The following OXSR1 variants were observed in gnomAD, a reference collection of about 807,000 sequenced individuals.
OXSR1 encodes the protein serine/threonine-protein kinase OSR1.
A neutral mutation model predicts 79.8 loss-of-function variants in OXSR1; 24 were observed. That is an observed-to-expected ratio of 0.30 (90% CI 0.22 to 0.42). The LOEUF is 0.42. Among genes scored for constraint, OXSR1 ranks in the 10% least tolerant of loss-of-function variants. The pLI, the probability that OXSR1 is intolerant of heterozygous loss-of-function variation, is 1.00. For synonymous variants in OXSR1, 226 were observed against 209.2 expected (o/e 1.08, Z -0.69); for missense variants, 430 against 618.4 (o/e 0.70, Z 3.23).
chr3:38,220,978 G>C (rs942057043), intron 5 of OXSR1, among the ~76,000 whole-genome samples: 1 of 152,156 alleles, frequency 6.6e-6, no homozygotes, highest in African/African-American at 2.4e-5. Flanking sequence ...GGTGAACTAA[G>C]TTTACCAATG....
chr3:38,219,798 G>GATGATT (rs386396384), intron 5 of OXSR1, among the ~76,000 whole-genome samples: 1 of 151,726 alleles, frequency 6.6e-6, no homozygotes, highest in Non-Finnish European at 1.5e-5. Context: ...TGATGATGAT[G>GATGATT]ATGATGATGA....
intron 12 of OXSR1, among the ~76,000 whole-genome samples, chr3:38,243,607 T>G (rs1463773298): frequency 1.3e-5 from 2 of 152,218 alleles, no homozygotes; most frequent in African/African-American, 4.8e-5. Flanking sequence ...GTATTTGGTT[T>G]TAACACATCT....
chr3:38,196,412 G>A (rs11917556), intron 3 of OXSR1, among the ~76,000 whole-genome samples: 4,690 of 152,184 alleles, frequency 0.031, 85 homozygotes, highest in Middle Eastern at 0.13. Context: ...GAGCTTACAG[G>A]ACCAGTATCT....
At chr3:38,236,641 G>A in intron 10 of OXSR1, 198 bp from the exon 11 acceptor site, 1 of 380,942 alleles carries the variant, frequency 2.6e-6, no homozygotes, top group Admixed American at 4.4e-5. Context: ...TACAGCGGTT[G>A]TTACTAAAGA....
At chr3:38,184,456 A>G (rs1251602764) in intron 2 of OXSR1, among the ~76,000 whole-genome samples, 1 of 152,236 alleles carries the variant, frequency 6.6e-6, no homozygotes, top group African/African-American at 2.4e-5. Context: ...TGCAGTGATG[A>G]TAAAAGAAGT....
intron 8 of OXSR1, among the ~76,000 whole-genome samples, chr3:38,229,121 G>C (rs1313515068): frequency 6.6e-6 from 1 of 152,174 alleles, no homozygotes; most frequent in African/African-American, 2.4e-5. Context: ...GAAGAAATGA[G>C]TTAAACACTG....
intron 3 of OXSR1, among the ~76,000 whole-genome samples, chr3:38,196,816 C>G (rs1702079849): frequency 6.6e-6 from 1 of 152,044 alleles, no homozygotes; most frequent in African/African-American, 2.4e-5. Flanking sequence ...TTGGTGGCAC[C>G]CAGTCTTAGA....
chr3:38,198,359 A>G (rs1208849220), intron 3 of OXSR1, among the ~76,000 whole-genome samples: 1 of 152,172 alleles, frequency 6.6e-6, no homozygotes, highest in Non-Finnish European at 1.5e-5. Context: ...ACAGCAGTGC[A>G]TATTCTAATC....
chr3:38,195,045 A>G (rs1241256546), intron 3 of OXSR1, among the ~76,000 whole-genome samples: 2 of 152,208 alleles, frequency 1.3e-5, no homozygotes, highest in African/African-American at 2.4e-5. Flanking sequence ...TAATATTCCT[A>G]TCTTTGCTAG....
chr3:38,223,919 G>T lies in OXSR1; in HGVS notation c.702+6G>T. On this transcript the variant is annotated splice_donor_region_variant and intron_variant, in intron 7 of 17. Transcript: ENST00000311806. ...ATAAATATCCACCAATGAAGGTGAG[G>T]CTTGTATTCCAAATACTACCCCAGC... The T allele has an allele frequency of 2.6e-6, 4 of 1,558,810 alleles. No individual in the cohort carries two copies. The highest frequency in any genetic ancestry group is 3.5e-6 in the Non-Finnish European group (4 of 1,135,274).
chr3:38,241,243 A>G (rs1359743535), intron 11 of OXSR1, among the ~76,000 whole-genome samples: 2 of 152,202 alleles, frequency 1.3e-5, no homozygotes, highest in Non-Finnish European at 2.9e-5. Flanking sequence ...GAATTCATGT[A>G]AATATAATAA....
intron 6 of OXSR1, among the ~76,000 whole-genome samples, chr3:38,222,895 T>C (rs1702617107): frequency 6.6e-6 from 1 of 152,226 alleles, no homozygotes. Flanking sequence ...TGTGTTTTTT[T>C]CCTCATGTTT....
In OXSR1 at chr3:38,168,309, C is replaced by T. The variant is rs536395612; in HGVS notation, c.70+2363C>T. 3.3e-5 allele frequency among the ~76,000 whole-genome samples: 5 copies of T among 152,260 alleles called. No homozygotes were observed. The South Asian group carries it at 6.2e-4, about 19-fold the overall frequency. On this transcript the variant is annotated intron_variant, in intron 1 of 17. Transcript: ENST00000311806. Reference sequence around the variant, plus strand: ...ACCATAATCCAGTTTTAGAATATTTCCATCATCCCCGTGAGATCTCTTGTG... The same window carrying T: ...ACCATAATCCAGTTTTAGAATATTTTCATCATCCCCGTGAGATCTCTTGTG...
chr3:38,196,833 ATG>A (rs1702080083), intron 3 of OXSR1, among the ~76,000 whole-genome samples: 1 of 152,204 alleles, frequency 6.6e-6, no homozygotes, highest in Admixed American at 6.5e-5. Flanking sequence ...TAGATCTCAC[ATG>A]TAATGTAATA....
At chr3:38,207,944 CT>C (rs1702302708) in intron 4 of OXSR1, among the ~76,000 whole-genome samples, 1 of 133,896 alleles carries the variant, frequency 7.5e-6, no homozygotes, top group African/African-American at 2.8e-5. Context: ...TCCTTCCTTC[CT>C]TCCTTCCTTC....
intron 3 of OXSR1, 64 bp downstream of exon 3, chr3:38,190,903 CT>C: frequency 1.2e-6 from 1 of 863,286 alleles, no homozygotes; most frequent in Middle Eastern, 2.2e-4. Context: ...AAGTTTCCTT[CT>C]TTTCTATCCT....
At chr3:38,192,223 GC>G (rs1330803719) in intron 3 of OXSR1, among the ~76,000 whole-genome samples, 1 of 152,104 alleles carries the variant, frequency 6.6e-6, no homozygotes, top group Non-Finnish European at 1.5e-5. Flanking sequence ...GTCAGGGGGA[GC>G]CCTTTTAAAG....
chr3:38,196,361 G>A (rs946003757), intron 3 of OXSR1, among the ~76,000 whole-genome samples: 3 of 152,112 alleles, frequency 2.0e-5, no homozygotes, highest in African/African-American at 7.2e-5. Context: ...CGAGTTAGAG[G>A]CTACAAGAGG....
At chr3:38,164,360 G>A (rs753074636), upstream of OXSR1, among the ~76,000 whole-genome samples, 32 of 152,160 alleles carry the variant, frequency 2.1e-4, no homozygotes, top group African/African-American at 5.3e-4. Flanking sequence ...TGGTCAGGAT[G>A]GTCTCGAACT....
Sources: gnomAD v4.1 joint callset for allele counts (sites outside exome capture counted in the v4.1 genomes callset) on GRCh38, gnomAD v4.1.1 for gene constraint, MANE v1.5 for transcripts, NCBI Gene and HGNC (gene_info 2026-07-23, HGNC 2026-07-21) for gene names.